ABCD3: variants seen among roughly 807,000 people sequenced by gnomAD.
ABCD3 encodes ATP-binding cassette sub-family D member 3.
A neutral mutation model predicts 105.5 loss-of-function variants in ABCD3; 41 were observed. That is an observed-to-expected ratio of 0.39 (90% CI 0.30 to 0.50). The LOEUF is 0.50. ABCD3 is among the 20% of genes least tolerant of loss of function. The probability of loss-of-function intolerance (pLI) is 0.84; values close to 1 mark genes in which losing one functional copy is unlikely to be tolerated. For synonymous variants in ABCD3, 258 were observed against 269.0 expected, an observed-to-expected ratio of 0.96 and a Z score of 0.40; for missense variants, 622 against 806.3, an observed-to-expected ratio of 0.77 and a Z score of 2.77.
rs1648600041 is a variant in ABCD3 at position 94,473,750 on chromosome 1, A to G, written c.336-16A>G. On this transcript the variant is annotated splice_polypyrimidine_tract_variant and intron_variant, in intron 4 of 22. Coordinates refer to ENST00000370214, the MANE Select transcript of ABCD3 (RefSeq NM_002858.4). ...GCTTCTTTTGCAACTAATGCATTGC[A>G]TGTGGTGGTTTGCAGTGGTATCATT... is the stretch of plus-strand genomic sequence containing the variant. The G allele has an allele frequency of 1.2e-6, 2 of 1,608,286 alleles. No individual in the cohort carries two copies. The highest frequency in any genetic ancestry group is 1.7e-6 in the Non-Finnish European group (2 of 1,175,190).
At chr1:94,472,080 C>T (rs1648483662) in intron 4 of ABCD3, 1 of 307,018 alleles carries the variant, frequency 3.3e-6, no homozygotes, top group African/African-American at 2.3e-5. Context: ...TAAAAATTAC[C>T]AAACTCTCTT....
rs531718588 is a variant in ABCD3, at chr1:94,433,632, T to TTG, written c.110+15045_110+15046insGT. 4.6e-5 allele frequency among the ~76,000 whole-genome samples: 7 copies of TTG among 151,942 alleles called. No individual in the cohort carries two copies. The South Asian group carries it at 1.5e-3, about 32-fold the overall frequency. On this transcript the variant is annotated intron_variant, in intron 1 of 22. Transcript: ENST00000370214. Reference sequence around the variant, plus strand: ...GCAGTTGTAACACAATGGTCAGTTTTTTTTTTTTTTTTGTCTAAACATGTC... The same window carrying TTG: ...GCAGTTGTAACACAATGGTCAGTTTTTGTTTTTTTTTTTTGTCTAAACATGTC...
At chr1:94,441,576 G>A (rs796827910) in intron 1 of ABCD3, among the ~76,000 whole-genome samples, 2 of 152,210 alleles carry the variant, frequency 1.3e-5, no homozygotes, top group African/African-American at 4.8e-5. Context: ...ACAAACTATT[G>A]GAGACAACCT....
intron 2 of ABCD3, among the ~76,000 whole-genome samples, chr1:94,460,349 T>G (rs1228286483): frequency 6.6e-6 from 1 of 152,172 alleles, no homozygotes; most frequent in African/African-American, 2.4e-5. Flanking sequence ...GTATTGACTA[T>G]GTAAGGACCA....
intron 21 of ABCD3, among the ~76,000 whole-genome samples, chr1:94,507,124 A>G (rs892129791): frequency 7.2e-5 from 11 of 151,922 alleles, no homozygotes; most frequent in African/African-American, 2.4e-4. Flanking sequence ...ATATCTCCCA[A>G]TGCTATCCCT....
chr1:94,433,923 A>C (rs1659793916), intron 1 of ABCD3, among the ~76,000 whole-genome samples: 1 of 151,984 alleles, frequency 6.6e-6, no homozygotes, highest in Non-Finnish European at 1.5e-5. Context: ...TGCTGGGATT[A>C]TGGGTATGAG....
the ABCD3 span, chr1:94,406,812 A>G: frequency 6.4e-6 from 1 of 156,246 alleles, no homozygotes; most frequent in African/African-American, 2.4e-5. Context: ...CAAAGGAGCA[A>G]TGCCATGTTT....
intron 21 of ABCD3, among the ~76,000 whole-genome samples, chr1:94,507,386 A>G (rs1169840235): frequency 2.0e-5 from 3 of 152,220 alleles, no homozygotes; most frequent in African/African-American, 7.2e-5. Flanking sequence ...AATCCAGTCT[A>G]TCTTTGTTGG....
chr1:94,434,517 T>G (rs1659823214), intron 1 of ABCD3, among the ~76,000 whole-genome samples: 1 of 152,108 alleles, frequency 6.6e-6, no homozygotes, highest in South Asian at 2.1e-4. Context: ...TACATGTGAG[T>G]AATGTGTTGT....
At position 94,457,075 on chromosome 1, in the gene ABCD3, T is replaced by C. The variant is rs1289608994; in HGVS notation, c.111-1532T>C. ...AGAAATGTCTATTTGGGTCCTTTGC[T>C]CGTTTTTTAAAATTGGATTGTTGTC... On this transcript the variant is annotated intron_variant, in intron 1 of 22. Coordinates refer to ENST00000370214, the MANE Select transcript of ABCD3 (RefSeq NM_002858.4). Among the ~76,000 whole-genome samples, 5 of 152,312 alleles carry C rather than the reference T, an allele frequency of 3.3e-5. No homozygotes were observed. In the East Asian group the frequency reaches 9.7e-4, roughly 29 times the overall value.
At position 94,517,225 on chromosome 1, in the gene ABCD3, T is replaced by C. The variant is rs1650959472; in HGVS notation, c.*96T>C. On this transcript the variant is annotated 3_prime_UTR_variant, in exon 23 of 23. Coordinates refer to ENST00000370214, the MANE Select transcript of ABCD3 (RefSeq NM_002858.4). The stretch of plus-strand genomic sequence containing the variant: ...GTAAAATAAAGTTGAGCTTAGTTTT[T>C]TTTAAAAAAAAAAACAAAGCAACAA... The C allele has an allele frequency of 1.0e-6, 1 of 956,166 alleles. No homozygotes were observed. The highest frequency in any genetic ancestry group is 1.4e-5 in the South Asian group (1 of 71,668). The allele number at this position is 956,166 out of a possible 1,614,324, so 59.2% of individuals were successfully genotyped here.
the ABCD3 span, among the ~76,000 whole-genome samples, chr1:94,412,647 T>C: frequency 6.6e-6 from 1 of 152,206 alleles, no homozygotes; most frequent in East Asian, 1.9e-4. Flanking sequence ...AGTGGAATTC[T>C]GGGTCAAAAG....
At chr1:94,396,484 C>T in the ABCD3 span, among the ~76,000 whole-genome samples, 1 of 152,190 alleles carries the variant, frequency 6.6e-6, no homozygotes, top group Non-Finnish European at 1.5e-5. Context: ...AATCCCCCTG[C>T]AGGGGTCACC....
rs1242385121 is a variant in ABCD3, at chr1:94,472,195, G to T, written c.336-1571G>T. ...CAGTGGAATAATAAGCAGAAATAAG[G>T]CTTTATTCAAGAAACCATTTTTTAA... On this transcript the variant is annotated intron_variant, in intron 4 of 22. Coordinates refer to ENST00000370214, the MANE Select transcript of ABCD3 (RefSeq NM_002858.4). The T allele has an allele frequency of 4.1e-6, 4 of 978,612 alleles. No homozygotes were observed. The South Asian group carries it at 1.4e-4, about 35-fold the overall frequency. The allele number at this position is 978,612 out of a possible 1,614,324, so 60.6% of individuals were successfully genotyped here.
chr1:94,425,304 G>A (rs897195200), intron 1 of ABCD3, among the ~76,000 whole-genome samples: 7 of 151,896 alleles, frequency 4.6e-5, no homozygotes, highest in South Asian at 4.2e-4. Flanking sequence ...CAGTTATAAC[G>A]TACATGTTTT....
intron 8 of ABCD3, 64 bp from the exon 9 acceptor site, chr1:94,480,400 T>C: frequency 6.3e-7 from 1 of 1,586,998 alleles, no homozygotes; most frequent in Non-Finnish European, 8.7e-7. Flanking sequence ...TACATGTTTG[T>C]ATCTAAGTGA....
At chr1:94,459,299 T>C (rs1341588362) in intron 2 of ABCD3, among the ~76,000 whole-genome samples, 1 of 152,134 alleles carries the variant, frequency 6.6e-6, no homozygotes, top group Non-Finnish European at 1.5e-5. Context: ...TGATTCCTTC[T>C]AATATGTCTC....
intron 1 of ABCD3, among the ~76,000 whole-genome samples, chr1:94,428,085 T>G (rs1308956823): frequency 6.6e-6 from 1 of 151,926 alleles, no homozygotes; most frequent in Admixed American, 6.6e-5. Context: ...TTTTTTTTTT[T>G]ATTTTTTATT....
the ABCD3 span, among the ~76,000 whole-genome samples, chr1:94,410,107 T>C: frequency 2.0e-5 from 3 of 152,274 alleles, no homozygotes; most frequent in African/African-American, 7.2e-5. Context: ...TATAAATGAA[T>C]GGAACTGAGC....
Sources: gnomAD v4.1 joint callset for allele counts (sites outside exome capture counted in the v4.1 genomes callset) on GRCh38, gnomAD v4.1.1 for gene constraint, MANE v1.5 for transcripts, NCBI Gene and HGNC (gene_info 2026-07-23, HGNC 2026-07-21) for gene names.